The following RFX8 variants were observed in gnomAD, a reference collection of about 807,000 sequenced individuals.
RFX8 encodes regulatory factor X8.
Under a neutral mutation model 54.6 loss-of-function variants are expected in RFX8, and 46 were observed. That is an observed-to-expected ratio of 0.84 (90% CI 0.67 to 1.08). RFX8 has a LOEUF of 1.08. Among genes scored for constraint, RFX8 ranks in the 50% least tolerant of loss-of-function variants. The pLI, the probability that RFX8 is intolerant of heterozygous loss-of-function variation, is 0.00. For missense variants in RFX8, 536 were observed against 562.3 expected (o/e 0.95, Z 0.47); for synonymous variants, 192 against 209.5 (o/e 0.92, Z 0.72).
intron 1 of RFX8, among the ~76,000 whole-genome samples, chr2:101,472,763 A>T (rs1177228098): frequency 6.6e-6 from 1 of 152,184 alleles, no homozygotes; most frequent in African/African-American, 2.4e-5. Flanking sequence ...CACACCTGTA[A>T]TCCCAGCACT....
intron 2 of RFX8, among the ~76,000 whole-genome samples, chr2:101,439,921 G>A (rs941916794): frequency 6.6e-6 from 1 of 152,120 alleles, no homozygotes; most frequent in African/African-American, 2.4e-5. Flanking sequence ...AGTGATCGGT[G>A]TGTCCATGCC....
chr2:101,455,730 T>C (rs977557893), intron 2 of RFX8, among the ~76,000 whole-genome samples: 2 of 152,222 alleles, frequency 1.3e-5, no homozygotes, highest in African/African-American at 4.8e-5. Context: ...AACTTTAAAG[T>C]AGTTTTTTCC....
chr2:101,410,937 C>T (rs570244526), intron 8 of RFX8, among the ~76,000 whole-genome samples: 1 of 152,186 alleles, frequency 6.6e-6, no homozygotes, highest in Admixed American at 6.5e-5. Context: ...TTGTGAGCCA[C>T]CTCTGCCACT....
intron 9 of RFX8, among the ~76,000 whole-genome samples, chr2:101,409,389 A>AT (rs1685951154): frequency 6.6e-6 from 1 of 151,224 alleles, no homozygotes; most frequent in Non-Finnish European, 1.5e-5. Context: ...CGCCCAGCTA[A>AT]TTTTTTTGTA....
chr2:101,434,745 T>C (rs6713867), intron 2 of RFX8: 111,410 of 151,770 alleles, frequency 0.73, 42,326 homozygotes, highest in Middle Eastern at 0.88. Flanking sequence ...AGGTAATACA[T>C]ATTTTTTAGC....
intron 1 of RFX8, among the ~76,000 whole-genome samples, chr2:101,469,068 ATATATATATAAG>A (rs1558896633): frequency 0.012 from 211 of 17,222 alleles, 1 homozygote; most frequent in Admixed American, 0.017. Flanking sequence ...ATATATATGT[ATATATATATAAG>A]TGTATATATA....
chr2:101,397,764 G>A, intron 11 of RFX8, 40 bp from the exon 12 acceptor site: 7 of 1,491,158 alleles, frequency 4.7e-6, no homozygotes, highest in Non-Finnish European at 6.3e-6. Flanking sequence ...GATAAAAAGA[G>A]ACAGATACTA....
At chr2:101,414,979 G>T in intron 6 of RFX8, 67 bp from the exon 7 acceptor site, 1 of 1,257,996 alleles carries the variant, frequency 7.9e-7, no homozygotes, top group Non-Finnish European at 1.1e-6. Context: ...CAGTGGGGAA[G>T]AGAAGGTGCA....
At chr2:101,452,206 T>G (rs1027569786) in intron 2 of RFX8, among the ~76,000 whole-genome samples, 3 of 152,238 alleles carry the variant, frequency 2.0e-5, no homozygotes, top group African/African-American at 7.2e-5. Context: ...GAGGCCAGTG[T>G]TTGGTTCTAG....
At chr2:101,416,621 C>T (rs1396061397) in intron 6 of RFX8, among the ~76,000 whole-genome samples, 2 of 152,118 alleles carry the variant, frequency 1.3e-5, no homozygotes, top group Admixed American at 1.3e-4. Flanking sequence ...GGGTGGGACC[C>T]CGTAGGGAGT....
intron 1 of RFX8, among the ~76,000 whole-genome samples, chr2:101,468,471 G>A (rs1689706839): frequency 6.6e-6 from 1 of 151,906 alleles, no homozygotes; most frequent in Admixed American, 6.6e-5. Flanking sequence ...CATTTTTTTA[G>A]TAGAGACGGG....
At chr2:101,463,541 C>T (rs1405375545) in intron 2 of RFX8, among the ~76,000 whole-genome samples, 4 of 152,176 alleles carry the variant, frequency 2.6e-5, no homozygotes, top group African/African-American at 9.7e-5. Context: ...CTCTGCCTTG[C>T]GAGGCCCCCT....
chr2:101,443,321 A>T (rs932286150), intron 2 of RFX8, among the ~76,000 whole-genome samples: 1 of 152,164 alleles, frequency 6.6e-6, no homozygotes, highest in African/African-American at 2.4e-5. Context: ...GGCATGGAGA[A>T]ATAGGTTCAT....
intron 2 of RFX8, among the ~76,000 whole-genome samples, chr2:101,460,538 C>T (rs182893204): frequency 6.1e-4 from 93 of 152,170 alleles, no homozygotes; most frequent in Non-Finnish European, 1.0e-3. Context: ...GTTTCCGAAT[C>T]AGCGAGGTTC....
At chr2:101,437,479 G>A (rs1687841681) in intron 2 of RFX8, among the ~76,000 whole-genome samples, 1 of 152,058 alleles carries the variant, frequency 6.6e-6, no homozygotes, top group East Asian at 1.9e-4. Context: ...TCAGGAGGCT[G>A]AGGCGGGAGG....
intron 2 of RFX8, among the ~76,000 whole-genome samples, chr2:101,454,412 A>C (rs925349151): frequency 7.2e-5 from 11 of 152,252 alleles, no homozygotes; most frequent in African/African-American, 2.7e-4. Context: ...GTATATACCC[A>C]GTAATGGGAT....
chr2:101,434,913 C>T (rs1292853745), intron 2 of RFX8: 1 of 152,416 alleles, frequency 6.6e-6, no homozygotes, highest in Non-Finnish European at 1.5e-5. Context: ...TCAGCCCCGA[C>T]TCTCAGCCCC....
chr2:101,417,434 G>C (rs1053557303), intron 6 of RFX8, 100 bp downstream of exon 6: 6 of 1,115,084 alleles, frequency 5.4e-6, no homozygotes, highest in Non-Finnish European at 5.0e-6. Flanking sequence ...TCAAACTCCT[G>C]GCCTCAAGCG....
At chr2:101,474,211 A>G (rs1400718416) in intron 1 of RFX8, 8 of 576,830 alleles carry the variant, frequency 1.4e-5, no homozygotes, top group Non-Finnish European at 1.9e-5. Flanking sequence ...CCACTGGATG[A>G]CGCCGCTGTG....
Sources: gnomAD v4.1 joint callset for allele counts (sites outside exome capture counted in the v4.1 genomes callset) on GRCh38, gnomAD v4.1.1 for gene constraint, MANE v1.5 for transcripts, NCBI Gene and HGNC (gene_info 2026-07-23, HGNC 2026-07-21) for gene names.